Variants in DPY19L1 observed in about 807,000 individuals in gnomAD.
The protein encoded by DPY19L1 is dpy-19 like C-mannosyltransferase 1.
Under a neutral mutation model 96.9 loss-of-function variants are expected in DPY19L1, and 35 were observed. The observed-to-expected ratio is 0.36, with a 90% CI of 0.28 to 0.48. The LOEUF (loss-of-function observed/expected upper bound fraction) is 0.48, where lower values mean the gene tolerates loss of function less well. DPY19L1 is among the 20% of genes least tolerant of loss of function. The probability of loss-of-function intolerance (pLI) is 0.99; values close to 1 mark genes in which losing one functional copy is unlikely to be tolerated. For missense variants in DPY19L1, 521 were observed against 777.9 expected, an observed-to-expected ratio of 0.67 and a Z score of 3.93; for synonymous variants, 205 against 252.6, an observed-to-expected ratio of 0.81 and a Z score of 1.79.
Position 34,955,293 on chromosome 7 carries a change from T to C in DPY19L1, c.1239+15A>G, listed in dbSNP as rs756917129. On this transcript the variant is annotated intron_variant, in intron 12 of 21. Coordinates refer to ENST00000638088, the MANE Select transcript of DPY19L1 (RefSeq NM_001366673.1). Reference sequence around the variant, plus strand: ...AGAAGAAAAAACATAAGCATTAAAATAGATTGATTCTCACCCATAAACTAA... The same window carrying C: ...AGAAGAAAAAACATAAGCATTAAAACAGATTGATTCTCACCCATAAACTAA... 5.5e-5 allele frequency: 86 copies of C among 1,572,150 alleles called. No individual in the cohort carries two copies. The highest frequency in any genetic ancestry group is 7.3e-5 in the Non-Finnish European group (84 of 1,154,388).
At chr7:34,981,691 C>A (rs1784944096) in intron 7 of DPY19L1, among the ~76,000 whole-genome samples, 1 of 152,216 alleles carries the variant, frequency 6.6e-6, no homozygotes, top group Admixed American at 6.5e-5. Flanking sequence ...TGGCTCATGC[C>A]TGTAATCCCA....
chr7:35,023,833 C>CTTTTCTTTT (rs1554363473), intron 1 of DPY19L1, among the ~76,000 whole-genome samples: 25 of 111,808 alleles, frequency 2.2e-4, no homozygotes, highest in Admixed American at 3.1e-4. Flanking sequence ...CTTTTCTTTT[C>CTTTTCTTTT]TTTTTTTTTT....
At chr7:34,960,589 T>A (rs1174159725) in intron 10 of DPY19L1, among the ~76,000 whole-genome samples, 1 of 152,168 alleles carries the variant, frequency 6.6e-6, no homozygotes, top group Non-Finnish European at 1.5e-5. Context: ...TCCTTTGAAT[T>A]ATTTTTCAGT....
chr7:35,023,926 C>T (rs2128681675), intron 1 of DPY19L1, among the ~76,000 whole-genome samples: 1 of 150,042 alleles, frequency 6.7e-6, no homozygotes, highest in African/African-American at 2.5e-5. Context: ...AACTCCGCCT[C>T]CCGGGTTCAT....
intron 1 of DPY19L1, among the ~76,000 whole-genome samples, 185 bp downstream of exon 1, chr7:35,036,912 G>C (rs1786418033): frequency 6.6e-6 from 1 of 151,764 alleles, no homozygotes; most frequent in Non-Finnish European, 1.5e-5. Flanking sequence ...GGAGTTGCGG[G>C]GAGGAGAAGG....
At position 34,988,358 on chromosome 7, in the gene DPY19L1, A is replaced by G. The variant is rs560065943; in HGVS notation, c.822+1526T>C. On this transcript the variant is annotated intron_variant, in intron 7 of 21. Transcript: ENST00000638088. ...CTGTTTCTTAGGTCATTCCCTCAGA[A>G]TCTGTGGCTCAAAGTGCTTCATGGT... 10 of 152,154 alleles carry G rather than the reference A, an allele frequency of 6.6e-5. No homozygotes were observed. The East Asian group carries it at 1.2e-3, about 18-fold the overall frequency. The allele number at this position is 152,154 out of a possible 1,614,324, so 9.4% of individuals were successfully genotyped here. A position where few individuals can be genotyped will look rare whatever the true frequency, so the allele number is the denominator to read the frequency against.
At chr7:34,935,023 G>A (rs35984603) in intron 21 of DPY19L1, among the ~76,000 whole-genome samples, 11 of 152,296 alleles carry the variant, frequency 7.2e-5, no homozygotes, top group East Asian at 1.9e-4. Flanking sequence ...GGGCTCAAGT[G>A]CACACTTTTT....
chr7:35,028,773 A>G (rs1312907667), intron 1 of DPY19L1, among the ~76,000 whole-genome samples: 2 of 152,144 alleles, frequency 1.3e-5, no homozygotes, highest in African/African-American at 4.8e-5. Context: ...TATGCTAAAC[A>G]AGGGGTGGAT....
chr7:35,014,876 A>G (rs1380279634), intron 3 of DPY19L1, among the ~76,000 whole-genome samples: 1 of 152,186 alleles, frequency 6.6e-6, no homozygotes, highest in Non-Finnish European at 1.5e-5. Flanking sequence ...AGCTACAGGC[A>G]CACAGGGGAA....
intron 1 of DPY19L1, among the ~76,000 whole-genome samples, chr7:35,036,164 G>A (rs1786394166): frequency 6.6e-6 from 1 of 152,044 alleles, no homozygotes; most frequent in African/African-American, 2.4e-5. Context: ...CCCAACTCCT[G>A]GCTAAGGGAA....
chr7:34,939,488 A>G (rs1372216049), intron 19 of DPY19L1, 113 bp from the exon 20 acceptor site: 1 of 806,988 alleles, frequency 1.2e-6, no homozygotes, highest in Non-Finnish European at 1.9e-6. Context: ...CAGCAGGTTC[A>G]TGACTTCAAG....
rs117115115 is a variant in DPY19L1 at position 34,935,129 on chromosome 7, T to C, written c.2090+2865A>G. ...CTACCTTGTAATTTTCTCATACACG[T>C]CAAGGCTGAACTGTTACAACACTGA... is the stretch of plus-strand genomic sequence containing the variant. On this transcript the variant is annotated intron_variant, in intron 21 of 21. Coordinates refer to ENST00000638088, the MANE Select transcript of DPY19L1 (RefSeq NM_001366673.1). Among the ~76,000 whole-genome samples, 105 of 152,240 alleles carry C rather than the reference T, an allele frequency of 6.9e-4. No individual in the cohort carries two copies. The East Asian group carries it at 0.019, about 27-fold the overall frequency.
chr7:34,941,410 A>T (rs1345041906), intron 18 of DPY19L1, among the ~76,000 whole-genome samples: 1 of 152,206 alleles, frequency 6.6e-6, no homozygotes, highest in African/African-American at 2.4e-5. Flanking sequence ...AGAACATATA[A>T]TTTTCAAGCA....
At chr7:34,954,356 A>G (rs1254288186) in intron 13 of DPY19L1, among the ~76,000 whole-genome samples, 1 of 152,156 alleles carries the variant, frequency 6.6e-6, no homozygotes, top group African/African-American at 2.4e-5. Context: ...ACGATCTCCA[A>G]TTAAGGCTCT....
rs187344305 is a variant in DPY19L1 at position 35,007,156 on chromosome 7, A to G, written c.764+3312T>C. Among the ~76,000 whole-genome samples, 13 of 152,360 alleles carry G rather than the reference A, an allele frequency of 8.5e-5. No individual in the cohort carries two copies. In the East Asian group the frequency reaches 2.3e-3, roughly 27 times the overall value. ...TCAAAAAACATACAAAAATGCAATGAAAAACACTGATAGAAAAGAAGTGAT... is the reference window on the plus strand; with the variant it reads ...TCAAAAAACATACAAAAATGCAATGGAAAACACTGATAGAAAAGAAGTGAT... On this transcript the variant is annotated intron_variant, in intron 6 of 21. Transcript: ENST00000638088.
chr7:34,949,313 C>T (rs1165251468), intron 14 of DPY19L1, among the ~76,000 whole-genome samples: 1 of 152,132 alleles, frequency 6.6e-6, no homozygotes, highest in East Asian at 1.9e-4. Flanking sequence ...TGTTCAAGAA[C>T]ATCAAGCAAA....
At chr7:34,997,232 T>A (rs1785307207) in intron 6 of DPY19L1, among the ~76,000 whole-genome samples, 1 of 151,094 alleles carries the variant, frequency 6.6e-6, no homozygotes, top group South Asian at 2.1e-4. Flanking sequence ...TAAATATTCA[T>A]ACACAACTGC....
chr7:34,967,038 T>C, intron 9 of DPY19L1, 67 bp from the exon 10 acceptor site: 2 of 1,205,988 alleles, frequency 1.7e-6, no homozygotes, highest in East Asian at 2.9e-5. Flanking sequence ...GAAGAATATA[T>C]TTACTGTTGT....
chr7:34,987,684 T>C (rs997755892), intron 7 of DPY19L1, among the ~76,000 whole-genome samples: 4 of 152,140 alleles, frequency 2.6e-5, no homozygotes. Flanking sequence ...AGCAATGCTC[T>C]ACAAAAGCTC....
Sources: allele counts gnomAD v4.1 joint callset (sites outside exome capture counted in the v4.1 genomes callset), GRCh38; gene constraint gnomAD v4.1.1; transcripts MANE v1.5; gene names NCBI Gene and HGNC (gene_info 2026-07-23, HGNC 2026-07-21).